Variants in CSMD1 observed in about 807,000 individuals in gnomAD.
CSMD1 encodes CUB and Sushi multiple domains 1.
Under a neutral mutation model 417.5 loss-of-function variants are expected in CSMD1, and 213 were observed. The ratio of observed to expected loss-of-function variants is 0.51; its 90% CI spans 0.46 to 0.57. The LOEUF (loss-of-function observed/expected upper bound fraction) is 0.57, where lower values mean the gene tolerates loss of function less well. Among genes scored for constraint, CSMD1 ranks in the 20% least tolerant of loss-of-function variants. The pLI, the probability that CSMD1 is intolerant of heterozygous loss-of-function variation, is 0.00. For synonymous variants in CSMD1, 2,862 were observed against 1,736.8 expected (o/e 1.65, Z -16.11); for missense variants, 6,923 against 4,529.7 (o/e 1.53, Z -15.17).
At chr8:4,322,138 G>T (rs1000031624) in intron 3 of CSMD1, among the ~76,000 whole-genome samples, 1 of 151,864 alleles carries the variant, frequency 6.6e-6, no homozygotes, top group Admixed American at 6.6e-5. Flanking sequence ...TTTATCCTCC[G>T]ATTTCTTTAC....
At chr8:3,043,813 C>T (rs1811263666) in intron 50 of CSMD1, 1 of 152,388 alleles carries the variant, frequency 6.6e-6, no homozygotes, top group African/African-American at 2.4e-5. Context: ...CAAACAGTGA[C>T]AAGAGGTATG....
intron 5 of CSMD1, among the ~76,000 whole-genome samples, chr8:3,874,345 G>C (rs2975357): frequency 0.24 from 36,411 of 152,098 alleles, 4,510 homozygotes; most frequent in East Asian, 0.37. Context: ...GTGAGGTTTT[G>C]AAAAATTGTC....
chr8:3,112,930 C>G (rs749762467), intron 42 of CSMD1: 1 of 152,214 alleles, frequency 6.6e-6, no homozygotes, highest in African/African-American at 2.4e-5. Flanking sequence ...AATTTCCTCT[C>G]TCATTTCCCC....
Position 3,188,925 on chromosome 8 carries a change from T to A in CSMD1, c.5485A>T (p.Ile1829Leu). Residue 1829 changes from isoleucine to leucine, a missense_variant, in exon 35 of 70, where the codon ATA becomes TTA. Coordinates refer to ENST00000635120, the MANE Select transcript of CSMD1 (RefSeq NM_033225.6). Reference sequence around the variant, plus strand: ...CCCTCCGTAACTATGATCTTCCATATACAGTTCAAGTTGTTTCCGTATGGC... The same window carrying A: ...CCCTCCGTAACTATGATCTTCCATAAACAGTTCAAGTTGTTTCCGTATGGC... Reference protein sequence around the residue: ...PEPYGNNLNCIWKIIVTEGSG... With the variant: ...PEPYGNNLNCLWKIIVTEGSG... 2 of 1,607,040 alleles carry A rather than the reference T, an allele frequency of 1.2e-6. No homozygotes were observed. Among genetic ancestry groups the A allele is most frequent in the Non-Finnish European group, 1.7e-6 (2 of 1,176,574 alleles).
At chr8:3,760,682 C>G (rs939562213) in intron 5 of CSMD1, among the ~76,000 whole-genome samples, 2 of 152,172 alleles carry the variant, frequency 1.3e-5, no homozygotes, top group Non-Finnish European at 2.9e-5. Flanking sequence ...TTTGGAAATG[C>G]TAATGGTTTT....
At chr8:4,361,504 C>A (rs13270369) in intron 3 of CSMD1, among the ~76,000 whole-genome samples, 9 of 151,846 alleles carry the variant, frequency 5.9e-5, no homozygotes, top group African/African-American at 1.5e-4. Flanking sequence ...GATTAGAAGA[C>A]GGAGGCCTGC....
chr8:4,537,519 C>A lies in CSMD1; in HGVS notation c.302+99823G>T, dbSNP rs562109105. 1.8e-4 allele frequency among the ~76,000 whole-genome samples: 27 copies of A among 152,210 alleles called. 1 individual carries two copies. Among genetic ancestry groups the A allele is most frequent in the African/African-American group, 6.5e-4 (27 of 41,536 alleles). ...ATTTGGAACTGTATGTTATTACAGA[C>A]TAGTTTTAATTGACTCTGATTAAAA... On this transcript the variant is annotated intron_variant, in intron 2 of 69. Transcript: ENST00000635120.
chr8:4,030,560 C>A (rs905597201), intron 4 of CSMD1, among the ~76,000 whole-genome samples: 1 of 152,124 alleles, frequency 6.6e-6, no homozygotes, highest in African/African-American at 2.4e-5. Flanking sequence ...GCCCGGCCCT[C>A]AAAACTACTT....
chr8:4,894,708 G>C (rs1804363291), intron 1 of CSMD1, among the ~76,000 whole-genome samples: 1 of 151,666 alleles, frequency 6.6e-6, no homozygotes, highest in African/African-American at 2.4e-5. Flanking sequence ...CTGTGTGTGT[G>C]TGTGTGTGTG....
chr8:3,679,011 C>A (rs1026458407), intron 7 of CSMD1, among the ~76,000 whole-genome samples: 1 of 152,122 alleles, frequency 6.6e-6, no homozygotes, highest in South Asian at 2.1e-4. Flanking sequence ...ACCAGACCTC[C>A]CCTAAAAGAC....
intron 2 of CSMD1, among the ~76,000 whole-genome samples, chr8:4,628,642 G>A (rs1237408092): frequency 1.3e-5 from 2 of 151,832 alleles, no homozygotes; most frequent in East Asian, 3.9e-4. Flanking sequence ...CACATGCCCT[G>A]CCAGGGACAC....
chr8:4,549,660 A>G (rs1407319810), intron 2 of CSMD1, among the ~76,000 whole-genome samples: 2 of 152,032 alleles, frequency 1.3e-5, no homozygotes, highest in African/African-American at 4.8e-5. Context: ...AGGCTGAGGC[A>G]GGAAGATCAC....
intron 1 of CSMD1, among the ~76,000 whole-genome samples, chr8:4,758,443 A>G (rs1811813171): frequency 6.6e-6 from 1 of 152,176 alleles, no homozygotes. Context: ...AAGGTGACAT[A>G]AAGGAAGCGT....
At position 3,795,509 on chromosome 8, in the gene CSMD1, A is replaced by C. The variant is rs1172213561; in HGVS notation, c.819-41467T>G. On this transcript the variant is annotated intron_variant, in intron 5 of 69. Transcript: ENST00000635120. The stretch of plus-strand genomic sequence containing the variant: ...ATATATCTATCATAGATATAGATAT[A>C]TATCTATCATAGATATAGATATATA... Among the ~76,000 whole-genome samples the C allele has an allele frequency of 7.7e-3, 9 of 1,162 alleles. 3 individuals are homozygous for C. The highest frequency in any genetic ancestry group is 0.052 in the African/African-American group (9 of 172). The allele number at this position is 1,162 out of a possible 152,430, so 0.8% of individuals were successfully genotyped here. A position where few individuals can be genotyped will look rare whatever the true frequency, so the allele number is the denominator to read the frequency against.
intron 12 of CSMD1, among the ~76,000 whole-genome samples, chr8:3,427,245 T>G (rs1018985985): frequency 1.3e-5 from 2 of 152,150 alleles, no homozygotes; most frequent in African/African-American, 2.4e-5. Flanking sequence ...TTATTTTGCT[T>G]TGAGATTTTC....
At chr8:3,244,402 C>A (rs954332691) in intron 26 of CSMD1, among the ~76,000 whole-genome samples, 1 of 152,128 alleles carries the variant, frequency 6.6e-6, no homozygotes, top group Non-Finnish European at 1.5e-5. Flanking sequence ...GGAGAGCAAT[C>A]TGCTTTTGTT....
chr8:4,729,765 A>G (rs992801746), intron 1 of CSMD1, among the ~76,000 whole-genome samples: 4 of 152,188 alleles, frequency 2.6e-5, no homozygotes, highest in Non-Finnish European at 5.9e-5. Context: ...CTCATAAACA[A>G]CTTAACACAT....
intron 11 of CSMD1, among the ~76,000 whole-genome samples, chr8:3,470,456 A>C (rs1817022220): frequency 6.6e-6 from 1 of 152,168 alleles, no homozygotes; most frequent in Non-Finnish European, 1.5e-5. Context: ...ACATCTTGCA[A>C]AACTATAACA....
At chr8:3,002,024 C>G (rs963810619) in intron 52 of CSMD1, among the ~76,000 whole-genome samples, 4 of 152,162 alleles carry the variant, frequency 2.6e-5, no homozygotes, top group African/African-American at 7.2e-5. Context: ...AGAAGAGAAT[C>G]TGATCTCTGC....
Sources: allele counts gnomAD v4.1 joint callset (sites outside exome capture counted in the v4.1 genomes callset), GRCh38; gene constraint gnomAD v4.1.1; transcripts MANE v1.5; gene names NCBI Gene and HGNC (gene_info 2026-07-23, HGNC 2026-07-21).